Variants in TMEM71 observed in about 807,000 individuals in gnomAD.
TMEM71 encodes transmembrane protein 71.
TMEM71 carries 44 observed loss-of-function variants against 38.0 expected under a neutral mutation model. That is an observed-to-expected ratio of 1.16 (90% CI 0.91 to 1.49). The LOEUF (loss-of-function observed/expected upper bound fraction) is 1.49, where lower values mean the gene tolerates loss of function less well. TMEM71 is among the 40% of genes most tolerant of loss of function. TMEM71 has a pLI of 0.00. For synonymous variants in TMEM71, 133 were observed against 122.5 expected, an observed-to-expected ratio of 1.09 and a Z score of -0.56; for missense variants, 367 against 348.6, an observed-to-expected ratio of 1.05 and a Z score of -0.42.
chr8:132,759,773 C>A (rs550876855), intron 1 of TMEM71, among the ~76,000 whole-genome samples: 1 of 152,088 alleles, frequency 6.6e-6, no homozygotes, highest in Non-Finnish European at 1.5e-5. Context: ...TCAATCAAAC[C>A]AGGCTAATTC....
intron 5 of TMEM71, among the ~76,000 whole-genome samples, chr8:132,742,362 G>A (rs900126574): frequency 1.4e-4 from 21 of 152,254 alleles, no homozygotes; most frequent in South Asian, 1.0e-3. Context: ...GTGACAGAGC[G>A]AGACTCTGTC....
intron 4 of TMEM71, among the ~76,000 whole-genome samples, chr8:132,747,938 T>C (rs2433064): frequency 0.3 from 45,020 of 152,136 alleles, 6,864 homozygotes; most frequent in Non-Finnish European, 0.33. Context: ...TCGGTTTGCA[T>C]TTCCAAAATT....
chr8:132,720,014 T>A (rs967623609), intron 7 of TMEM71, among the ~76,000 whole-genome samples: 2 of 152,172 alleles, frequency 1.3e-5, no homozygotes, highest in South Asian at 2.1e-4. Context: ...CCTGCTCAGA[T>A]AATGTGTTGA....
chr8:132,722,638 C>A (rs892947007), intron 6 of TMEM71, among the ~76,000 whole-genome samples: 4 of 152,310 alleles, frequency 2.6e-5, no homozygotes, highest in Admixed American at 2.6e-4. Context: ...TGAGGTGTCA[C>A]AGCCAAGATT....
chr8:132,771,402 T>C, the TMEM71 span, among the ~76,000 whole-genome samples: 1 of 152,158 alleles, frequency 6.6e-6, no homozygotes, highest in Non-Finnish European at 1.5e-5. Context: ...GAAATAGACA[T>C]ACATATTTTT....
chr8:132,722,466 G>A (rs1380524624), intron 6 of TMEM71, among the ~76,000 whole-genome samples: 2 of 152,164 alleles, frequency 1.3e-5, no homozygotes, highest in Non-Finnish European at 2.9e-5. Context: ...TAATAATAAT[G>A]TCTAAAATCT....
intron 5 of TMEM71, among the ~76,000 whole-genome samples, chr8:132,745,435 T>A (rs1227218125): frequency 6.6e-6 from 1 of 152,134 alleles, no homozygotes; most frequent in Admixed American, 6.5e-5. Flanking sequence ...ATGTTCATCA[T>A]CACTAATCAT....
intron 5 of TMEM71, among the ~76,000 whole-genome samples, chr8:132,745,352 T>C (rs970208960): frequency 1.3e-5 from 2 of 151,938 alleles, no homozygotes; most frequent in Non-Finnish European, 1.5e-5. Flanking sequence ...TAATCCCATA[T>C]AAAAATGGGC....
intron 5 of TMEM71, among the ~76,000 whole-genome samples, chr8:132,731,161 AAGG>A (rs1418030219): frequency 6.6e-6 from 1 of 152,208 alleles, no homozygotes; most frequent in African/African-American, 2.4e-5. Context: ...GTGATAAGTG[AAGG>A]AGAAGAGACA....
Position 132,722,056 on chromosome 8 carries a change from T to C in TMEM71, c.736A>G (p.Ile246Val), listed in dbSNP as rs771276575. ...QAILLAVCLI[I>V]SACARWFMGE... ...GTGAATTACCTTGCACATGCAGAAATGATTAAGCACACAGCAAGCAGGATT... is the reference window on the plus strand; with the variant it reads ...GTGAATTACCTTGCACATGCAGAAACGATTAAGCACACAGCAAGCAGGATT... Residue 246 changes from isoleucine to valine, a missense_variant, in exon 7 of 10, where the codon ATT becomes GTT. Physicochemically the swap from Ile to Val is conservative, Grantham distance 29. Transcript: ENST00000677595. 19 of 1,613,968 alleles carry C rather than the reference T, an allele frequency of 1.2e-5. No homozygotes were observed. The highest frequency in any genetic ancestry group is 1.7e-5 in the Admixed American group (1 of 60,016).
intron 9 of TMEM71, among the ~76,000 whole-genome samples, chr8:132,711,283 AC>A (rs1166582148): frequency 6.6e-6 from 1 of 152,112 alleles, no homozygotes; most frequent in Admixed American, 6.5e-5. Context: ...TCCTCTTCCC[AC>A]CTGCCCTTAT....
At chr8:132,772,710 TA>T in the TMEM71 span, among the ~76,000 whole-genome samples, 2 of 152,118 alleles carry the variant, frequency 1.3e-5, no homozygotes, top group African/African-American at 4.8e-5. Context: ...TATGATAATA[TA>T]AAAAATTTAT....
chr8:132,757,625 A>C (rs1829098451), intron 2 of TMEM71, among the ~76,000 whole-genome samples: 1 of 151,976 alleles, frequency 6.6e-6, no homozygotes. Flanking sequence ...GGAGATCTAA[A>C]CCATCCTGGC....
At chr8:132,741,585 C>CT (rs55691429) in intron 5 of TMEM71, among the ~76,000 whole-genome samples, 2 of 150,530 alleles carry the variant, frequency 1.3e-5, no homozygotes, top group Non-Finnish European at 3.0e-5. Context: ...GGGGCCCTTC[C>CT]TGCCTGGCAG....
chr8:132,751,875 C>T lies in TMEM71; in HGVS notation c.224G>A (p.Trp75Ter). The T allele has an allele frequency of 6.2e-7, 1 of 1,614,008 alleles. No individual in the cohort carries two copies. The highest frequency in any genetic ancestry group is 8.5e-7 in the Non-Finnish European group (1 of 1,180,036). Reference sequence around the variant, plus strand: ...GTCGCACAGGAAGCTGTCTTCAGTCCAAATATAGTAGCCATTGGTGAGGAG... The same window carrying T: ...GTCGCACAGGAAGCTGTCTTCAGTCTAAATATAGTAGCCATTGGTGAGGAG... ...PRLLTNGYYI[W>*]TEDSFLCDKD... Residue 75 changes from tryptophan (W) to a stop codon, truncating the protein, a stop_gained, in exon 4 of 10, where the codon TGG becomes TAG. Coordinates refer to ENST00000677595, the MANE Select transcript of TMEM71 (RefSeq NM_001382403.1). LOFTEE classifies it high-confidence loss of function.
At chr8:132,750,025 A>AAG (rs201302332) in intron 4 of TMEM71, among the ~76,000 whole-genome samples, 1 of 101,992 alleles carries the variant, frequency 9.8e-6, no homozygotes, top group Non-Finnish European at 2.3e-5. Context: ...AAAAAAAAAA[A>AAG]GAAAGAAAGA....
chr8:132,712,753 A>C (rs1011247468), intron 9 of TMEM71, among the ~76,000 whole-genome samples: 15 of 152,220 alleles, frequency 9.9e-5, no homozygotes, highest in Admixed American at 2.6e-4. Flanking sequence ...GTAAATTCTT[A>C]ATAAAGATTT....
chr8:132,775,804 C>T, the TMEM71 span, among the ~76,000 whole-genome samples: 1 of 152,176 alleles, frequency 6.6e-6, no homozygotes, highest in African/African-American at 2.4e-5. Flanking sequence ...CTCCCTCTTC[C>T]CCTCCCTTCC....
chr8:132,765,456 G>A (rs1009610107), upstream of TMEM71, among the ~76,000 whole-genome samples: 7 of 152,132 alleles, frequency 4.6e-5, no homozygotes, highest in Admixed American at 1.3e-4. Flanking sequence ...GAGTATACCC[G>A]GCAATGAGGG....
Sources: allele counts gnomAD v4.1 joint callset (sites outside exome capture counted in the v4.1 genomes callset), GRCh38; gene constraint gnomAD v4.1.1; transcripts MANE v1.5; gene names NCBI Gene and HGNC (gene_info 2026-07-23, HGNC 2026-07-21).